TPRG1: variants seen among roughly 807,000 people sequenced by gnomAD.
TPRG1 encodes tumor protein p63 regulated 1.
A neutral mutation model predicts 29.3 loss-of-function variants in TPRG1; 29 were observed. The ratio of observed to expected loss-of-function variants is 0.99; its 90% confidence interval spans 0.74 to 1.35. TPRG1 has a LOEUF of 1.35. Ranked by LOEUF, TPRG1 falls within the 40% of genes most tolerant of loss-of-function variation. The probability of loss-of-function intolerance (pLI) is 0.00; values close to 1 mark genes in which losing one functional copy is unlikely to be tolerated. For missense variants in TPRG1, 327 were observed against 335.0 expected (o/e 0.98, Z 0.19); for synonymous variants, 130 against 116.8 (o/e 1.11, Z -0.73).
At chr3:189,214,962 A>ATTTTATATATATATATATATATATATAT in intron 2 of TPRG1, among the ~76,000 whole-genome samples, 1 of 147,578 alleles carries the variant, frequency 6.8e-6, no homozygotes, top group African/African-American at 2.5e-5. Flanking sequence ...GGTTTAATTT[A>ATTTTATATATATATATATATATATATAT]AAAATGTACA....
chr3:189,131,066 G>T (rs1373461677), intron 2 of TPRG1, among the ~76,000 whole-genome samples: 1 of 152,132 alleles, frequency 6.6e-6, no homozygotes, highest in East Asian at 1.9e-4. Context: ...GTCCCACTTT[G>T]CCCAGAACAG....
chr3:189,164,708 A>T (rs985934722), intron 5 of TPRG1, among the ~76,000 whole-genome samples: 1 of 152,222 alleles, frequency 6.6e-6, no homozygotes, highest in African/African-American at 2.4e-5. Flanking sequence ...TTTAATCATC[A>T]TCATCAAGAC....
chr3:189,087,330 C>T (rs2152175826), intron 4 of TPRG1, among the ~76,000 whole-genome samples: 2 of 152,282 alleles, frequency 1.3e-5, no homozygotes, highest in African/African-American at 4.8e-5. Flanking sequence ...TGTTCATATC[C>T]TTTGCCCAAT....
At chr3:189,029,887 C>T (rs556612744) in intron 4 of TPRG1, among the ~76,000 whole-genome samples, 8 of 152,260 alleles carry the variant, frequency 5.3e-5, no homozygotes, top group African/African-American at 1.7e-4. Flanking sequence ...TATTGCCTTC[C>T]GCTATGATTG....
intron 4 of TPRG1, among the ~76,000 whole-genome samples, chr3:189,063,863 C>G (rs959572228): frequency 1.3e-5 from 2 of 151,970 alleles, no homozygotes; most frequent in Non-Finnish European, 1.5e-5. Flanking sequence ...ATTAGAAGAG[C>G]TTTTAGGACT....
upstream of TPRG1, among the ~76,000 whole-genome samples, chr3:189,099,290 G>T (rs1718911188): frequency 6.6e-6 from 1 of 152,152 alleles, no homozygotes; most frequent in Non-Finnish European, 1.5e-5. Context: ...TGCCCTGGAG[G>T]TTCTCCAGTG....
intron 1 of TPRG1, among the ~76,000 whole-genome samples, chr3:189,185,951 T>C (rs1018317516): frequency 2.6e-5 from 4 of 152,214 alleles, no homozygotes; most frequent in Admixed American, 1.3e-4. Context: ...CCAAGGATTG[T>C]ATTATACTCC....
In TPRG1 at chr3:189,033,378, C is replaced by T. The variant is rs1202382906; in HGVS notation, c.-463+9432C>T. Among the ~76,000 whole-genome samples the T allele has an allele frequency of 2.6e-5, 4 of 151,856 alleles. No individual in the cohort carries two copies. The East Asian group carries it at 7.7e-4, about 29-fold the overall frequency. ...TTCACTGCAACTTCTGCCTCTCAGG[C>T]TCAAGAGATCCTCCCACTTCAGCCT... On this transcript the variant is annotated intron_variant, in intron 4 of 10. Coordinates refer to the TPRG1 transcript ENST00000433971.
At chr3:189,286,856 C>A (rs1405096668) in intron 4 of TPRG1, among the ~76,000 whole-genome samples, 1 of 152,078 alleles carries the variant, frequency 6.6e-6, no homozygotes, top group African/African-American at 2.4e-5. Context: ...TGTTATGAGG[C>A]CAGGCTCCAG....
At chr3:189,297,720 C>T (rs1720190223) in intron 4 of TPRG1, among the ~76,000 whole-genome samples, 1 of 152,176 alleles carries the variant, frequency 6.6e-6, no homozygotes, top group South Asian at 2.1e-4. Context: ...CCTCTGCTTG[C>T]AGGGCTTGTG....
chr3:189,199,388 C>T (rs1433246783), intron 1 of TPRG1, among the ~76,000 whole-genome samples: 1 of 152,194 alleles, frequency 6.6e-6, no homozygotes, highest in Non-Finnish European at 1.5e-5. Context: ...GAGCTGGAAA[C>T]TTAGGAATAA....
intron 4 of TPRG1, among the ~76,000 whole-genome samples, chr3:189,083,803 G>A (rs1717757036): frequency 7.1e-6 from 1 of 140,566 alleles, no homozygotes; most frequent in Non-Finnish European, 1.5e-5. Context: ...GTCATTCACT[G>A]GCTGTTAATT....
intron 4 of TPRG1, among the ~76,000 whole-genome samples, chr3:189,286,175 T>C (rs1254832231): frequency 2.0e-5 from 3 of 152,128 alleles, no homozygotes; most frequent in Non-Finnish European, 4.4e-5. Context: ...ATTCCCCAGA[T>C]ACCACATAAT....
chr3:189,261,826 A>T (rs1444360575), intron 4 of TPRG1, among the ~76,000 whole-genome samples: 1 of 152,148 alleles, frequency 6.6e-6, no homozygotes, highest in African/African-American at 2.4e-5. Context: ...GAAATAGAGA[A>T]AGCAGGACAA....
At chr3:189,057,705 C>T (rs1411994270) in intron 4 of TPRG1, among the ~76,000 whole-genome samples, 2 of 148,564 alleles carry the variant, frequency 1.3e-5, no homozygotes, top group East Asian at 4.0e-4. Context: ...GGGCATTATT[C>T]TAATTTTGGA....
chr3:189,308,933 C>T (rs963981338), intron 4 of TPRG1, among the ~76,000 whole-genome samples: 6 of 151,870 alleles, frequency 4.0e-5, no homozygotes, highest in Non-Finnish European at 8.8e-5. Flanking sequence ...TAATAAATGC[C>T]AGTATACTAG....
chr3:189,132,443 AG>A, exon 3 of TPRG1: 1 of 152,192 alleles, frequency 6.6e-6, no homozygotes, highest in East Asian at 1.9e-4. Context: ...AAGTCACCAG[AG>A]GTGATGAGGG....
chr3:189,322,491 A>G lies in TPRG1; in HGVS notation c.*1671A>G, dbSNP rs1724406524. On this transcript the variant is annotated 3_prime_UTR_variant, in exon 6 of 6. Transcript: ENST00000345063. Reference sequence around the variant, plus strand: ...AACTTCTATTCAGACTGTAAAAGGAAATGTTGAAATCCATAGCTGTCCTGT... The same window carrying G: ...AACTTCTATTCAGACTGTAAAAGGAGATGTTGAAATCCATAGCTGTCCTGT... 1.3e-5 allele frequency: 2 copies of G among 152,542 alleles called. No individual in the cohort carries two copies. Among genetic ancestry groups the G allele is most frequent in the Admixed American group, 1.3e-4 (2 of 15,246 alleles). The allele number at this position is 152,542 out of a possible 1,614,324, so 9.4% of individuals were successfully genotyped here. A position where few individuals can be genotyped will look rare whatever the true frequency, so the allele number is the denominator to read the frequency against.
At chr3:189,123,395 C>T (rs1296785857) in intron 1 of TPRG1, among the ~76,000 whole-genome samples, 1 of 152,130 alleles carries the variant, frequency 6.6e-6, no homozygotes, top group African/African-American at 2.4e-5. Flanking sequence ...ACAGCCTTAA[C>T]TTGTGAAATG....
Sources: allele counts gnomAD v4.1 joint callset (sites outside exome capture counted in the v4.1 genomes callset), GRCh38; gene constraint gnomAD v4.1.1; transcripts MANE v1.5; gene names NCBI Gene and HGNC (gene_info 2026-07-23, HGNC 2026-07-21).